The following ICA1 variants were observed in gnomAD, a reference collection of about 807,000 sequenced individuals.
ICA1 encodes 69 kDa islet cell autoantigen.
ICA1 carries 40 observed loss-of-function variants against 71.0 expected under a neutral mutation model. The observed-to-expected ratio is 0.56, with a 90% CI of 0.44 to 0.73. ICA1 has a LOEUF of 0.73. Among genes scored for constraint, ICA1 ranks in the 30% least tolerant of loss-of-function variants. The pLI is 0.00. For missense variants in ICA1, 578 were observed against 576.5 expected, an observed-to-expected ratio of 1.00 and a Z score of -0.03; for synonymous variants, 207 against 209.5, an observed-to-expected ratio of 0.99 and a Z score of 0.10.
intron 1 of ICA1, among the ~76,000 whole-genome samples, chr7:8,258,731 A>G (rs767246080): frequency 2.0e-5 from 3 of 152,230 alleles, no homozygotes; most frequent in Non-Finnish European, 4.4e-5. Flanking sequence ...TGTGAAAATT[A>G]CTTACAGGTC....
Position 8,113,863 on chromosome 7 carries a change from G to A in ICA1, c.*60C>T. On this transcript the variant is annotated 3_prime_UTR_variant, in exon 14 of 14. Transcript: ENST00000402384. The surrounding 1 kb of genome is among the most constrained non-coding windows in gnomAD (Gnocchi z 4.2). ...AGCATACTGATCACTTTATACTTCTGCTAGCCCCCAGGGGAGCTGCTGGGG... is the reference window on the plus strand; with the variant it reads ...AGCATACTGATCACTTTATACTTCTACTAGCCCCCAGGGGAGCTGCTGGGG... 6.3e-7 allele frequency: 1 copy of A among 1,584,998 alleles called. No homozygotes were observed. The highest frequency in any genetic ancestry group is 2.2e-5 in the East Asian group (1 of 44,702).
intron 8 of ICA1, among the ~76,000 whole-genome samples, chr7:8,152,291 G>C (rs1447413721): frequency 6.6e-6 from 1 of 152,010 alleles, no homozygotes; most frequent in Non-Finnish European, 1.5e-5. Context: ...GGGTGAAATG[G>C]AGAGTGAGAA....
At chr7:8,158,837 T>A (rs1182384576) in intron 6 of ICA1, among the ~76,000 whole-genome samples, 185 bp from the exon 7 acceptor site, 1 of 152,248 alleles carries the variant, frequency 6.6e-6, no homozygotes, top group African/African-American at 2.4e-5. Flanking sequence ...ATGAGAGTAC[T>A]GCATATTATG....
chr7:8,157,442 T>C (rs1584692890), intron 7 of ICA1: 1 of 484,494 alleles, frequency 2.1e-6, no homozygotes, highest in Non-Finnish European at 3.6e-6. Flanking sequence ...TCCCACCACC[T>C]GGGACATTCT....
intron 7 of ICA1, 116 bp downstream of exon 7, chr7:8,158,403 AAATTACGG>A: frequency 8.3e-7 from 1 of 1,203,388 alleles, no homozygotes; most frequent in Non-Finnish European, 1.2e-6. Context: ...GTGGGAAGTG[AAATTACGG>A]AAAGGCATTC....
At chr7:8,121,584 G>A (rs1157066408) in intron 13 of ICA1, among the ~76,000 whole-genome samples, 1 of 152,244 alleles carries the variant, frequency 6.6e-6, no homozygotes, top group African/African-American at 2.4e-5. Flanking sequence ...AAAGTAGAAT[G>A]ATGGTTACCA....
In ICA1 at chr7:8,234,775, A is replaced by C. The variant is rs1322128464; in HGVS notation, c.17+1135T>G. ...AATGTATAAAACTTATGTAAAAGAT[A>C]ATCTCTCTATAGAATATGCACATTA... On this transcript the variant is annotated intron_variant, in intron 2 of 13. Coordinates refer to ENST00000402384, the MANE Select transcript of ICA1 (RefSeq NM_001136020.3). This position sits in a 1 kb window ranked among gnomAD's most constrained non-coding sequence, Gnocchi z 4.5. 6.6e-6 allele frequency among the ~76,000 whole-genome samples: 1 copy of C among 152,244 alleles called. No individual in the cohort carries two copies. Among genetic ancestry groups the C allele is most frequent in the Non-Finnish European group, 1.5e-5 (1 of 68,044 alleles).
intron 6 of ICA1, among the ~76,000 whole-genome samples, chr7:8,184,207 C>G (rs1415509251): frequency 6.6e-6 from 1 of 152,164 alleles, no homozygotes; most frequent in Non-Finnish European, 1.5e-5. Context: ...TGCTCAGGTG[C>G]ATTTTGAAGT....
chr7:8,187,180 T>C (rs533442830), intron 6 of ICA1, among the ~76,000 whole-genome samples: 53 of 152,314 alleles, frequency 3.5e-4, no homozygotes, highest in African/African-American at 1.3e-3. Context: ...CTAGACGATA[T>C]AGCACCTATT....
At chr7:8,235,832 C>G in intron 2 of ICA1, 78 bp downstream of exon 2, 2 of 1,439,776 alleles carry the variant, frequency 1.4e-6, no homozygotes, top group Non-Finnish European at 1.9e-6. Context: ...TCTTGTTTTT[C>G]CATTCAATAG....
rs139564514 is a variant in ICA1 at position 8,162,794 on chromosome 7, C to T, written c.580-4142G>A. On this transcript the variant is annotated intron_variant, in intron 6 of 13. Coordinates refer to ENST00000402384, the MANE Select transcript of ICA1 (RefSeq NM_001136020.3). ...ATTTATTTATTTAGAGATGGAGTCTCGCTCTGTCACCCAGGCTGGAATGCA... is the reference window on the plus strand; with the variant it reads ...ATTTATTTATTTAGAGATGGAGTCTTGCTCTGTCACCCAGGCTGGAATGCA... 3.6e-3 allele frequency among the ~76,000 whole-genome samples: 545 copies of T among 152,272 alleles called. 3 individuals carry two copies. Among genetic ancestry groups the T allele is most frequent in the African/African-American group, 0.012 (516 of 41,536 alleles).
At chr7:8,253,606 A>G (rs1808968200) in intron 1 of ICA1, among the ~76,000 whole-genome samples, 1 of 152,052 alleles carries the variant, frequency 6.6e-6, no homozygotes, top group Non-Finnish European at 1.5e-5. Context: ...TATATCTTCT[A>G]TTTTTTTATA....
At chr7:8,163,768 G>A (rs905969781) in intron 6 of ICA1, among the ~76,000 whole-genome samples, 1 of 152,196 alleles carries the variant, frequency 6.6e-6, no homozygotes, top group Admixed American at 6.5e-5. Context: ...AGAGCTGAGA[G>A]TAGGTCAGTG....
Position 8,113,619 on chromosome 7 carries a change from T to C in ICA1, c.*304A>G, listed in dbSNP as rs367646639. On this transcript the variant is annotated 3_prime_UTR_variant, in exon 14 of 14. Coordinates refer to ENST00000402384, the MANE Select transcript of ICA1 (RefSeq NM_001136020.3). The surrounding 1 kb of genome is among the most constrained non-coding windows in gnomAD (Gnocchi z 4.2). Reference sequence around the variant, plus strand: ...ATCAAAGTAGGCTTCTGATTTCAACTTGGATCTCACGGTAGCCCAGTGACA... The same window carrying C: ...ATCAAAGTAGGCTTCTGATTTCAACCTGGATCTCACGGTAGCCCAGTGACA... 7 of 231,926 alleles carry C rather than the reference T, an allele frequency of 3.0e-5. No individual in the cohort carries two copies. The East Asian group carries it at 7.1e-4, about 24-fold the overall frequency. 14.4% of individuals were successfully genotyped at this position (231,926 alleles called of 1,614,324 possible). A position where few individuals can be genotyped will look rare whatever the true frequency, so the allele number is the denominator to read the frequency against.
chr7:8,199,556 T>C (rs191148762), intron 6 of ICA1, among the ~76,000 whole-genome samples: 8 of 151,584 alleles, frequency 5.3e-5, no homozygotes, highest in African/African-American at 1.9e-4. Flanking sequence ...ACTAAAAAAA[T>C]AAAAAAAATT....
chr7:8,259,512 T>A (rs1000834667), intron 1 of ICA1, among the ~76,000 whole-genome samples: 4 of 152,244 alleles, frequency 2.6e-5, no homozygotes, highest in African/African-American at 9.6e-5. Context: ...AGCATTCTTT[T>A]TAGATACGGA....
At position 8,128,024 on chromosome 7, in the gene ICA1, C is replaced by A. The variant is rs1236054330; in HGVS notation, c.1179G>T (p.Glu393Asp). ...GGCCGTCTCCAAACACAGCGGCCCA[C>A]TCTTTGCTGAACTCGCCCTCTTCCA... Reference protein sequence around the residue: ...SSLEEGEFSKEWAAVFGDGQV... With the variant: ...SSLEEGEFSKDWAAVFGDGQV... The change falls in exon 13 of 14, where the codon GAG (glutamate) becomes GAT (aspartate). Residue 393 changes from glutamate (E) to aspartate (D), a missense_variant. Coordinates refer to ENST00000402384, the MANE Select transcript of ICA1 (RefSeq NM_001136020.3). 6.2e-7 allele frequency: 1 copy of A among 1,614,232 alleles called. No homozygotes were observed.
At chr7:8,162,055 T>A (rs2128208181) in intron 6 of ICA1, among the ~76,000 whole-genome samples, 1 of 152,330 alleles carries the variant, frequency 6.6e-6, no homozygotes, top group Non-Finnish European at 1.5e-5. Context: ...CCTCTAGATT[T>A]TCTAACGAAA....
chr7:8,181,183 T>C lies in ICA1; in HGVS notation c.580-22531A>G, dbSNP rs529359181. On this transcript the variant is annotated intron_variant, in intron 6 of 13. Transcript: ENST00000402384. The stretch of plus-strand genomic sequence containing the variant: ...TGATATGAAATAGGGGTCGGGTTCC[T>C]GGTATTCTGTATAGATATCCAACTG... 8.5e-5 allele frequency among the ~76,000 whole-genome samples: 13 copies of C among 152,260 alleles called. 1 individual carries two copies. In the South Asian group the frequency reaches 1.9e-3, roughly 22 times the overall value.
Sources: allele counts gnomAD v4.1 joint callset (sites outside exome capture counted in the v4.1 genomes callset), GRCh38; gene constraint gnomAD v4.1.1; non-coding constraint Gnocchi (gnomAD v3.1); transcripts MANE v1.5; gene names NCBI Gene and HGNC (gene_info 2026-07-23, HGNC 2026-07-21).